The following CNTNAP2 variants were observed in gnomAD, a reference collection of about 807,000 sequenced individuals.
CNTNAP2 encodes contactin-associated protein-like 2.
In CNTNAP2, 98 loss-of-function variants were observed where a neutral mutation model predicts 155.2. The observed-to-expected ratio is 0.63, with a 90% CI of 0.54 to 0.75. The LOEUF is 0.75. Ranked by LOEUF, CNTNAP2 falls within the 30% of genes least tolerant of loss-of-function variation. The pLI is 0.00. For synonymous variants in CNTNAP2, 651 were observed against 631.2 expected (o/e 1.03, Z -0.47); for missense variants, 1,727 against 1,688.1 (o/e 1.02, Z -0.40).
chr7:146,575,019 A>G (rs916798120), intron 1 of CNTNAP2, among the ~76,000 whole-genome samples: 2 of 152,130 alleles, frequency 1.3e-5, no homozygotes, highest in African/African-American at 4.8e-5. Context: ...TCAGAGATTG[A>G]TAAGTTTTGA....
At chr7:147,916,897 A>G (rs1046682720) in intron 14 of CNTNAP2, among the ~76,000 whole-genome samples, 1 of 152,140 alleles carries the variant, frequency 6.6e-6, no homozygotes, top group African/African-American at 2.4e-5. Flanking sequence ...CCCCCTCTTG[A>G]TATTAATGAT....
At chr7:146,506,909 G>T (rs1797392893) in intron 1 of CNTNAP2, among the ~76,000 whole-genome samples, 1 of 152,160 alleles carries the variant, frequency 6.6e-6, no homozygotes, top group Admixed American at 6.5e-5. Flanking sequence ...AGGAATGGGA[G>T]GTGCCTCTCT....
intron 15 of CNTNAP2, among the ~76,000 whole-genome samples, chr7:147,981,013 C>T (rs893416091): frequency 5.9e-5 from 9 of 151,646 alleles, no homozygotes; most frequent in Non-Finnish European, 1.0e-4. Context: ...CTGCATTTTC[C>T]AGTTTTTATA....
chr7:147,478,271 C>T (rs945372610), intron 10 of CNTNAP2, among the ~76,000 whole-genome samples: 5 of 151,780 alleles, frequency 3.3e-5, no homozygotes, highest in Non-Finnish European at 7.4e-5. Flanking sequence ...TCCTGCCTCA[C>T]CCTCCCAAGT....
intron 1 of CNTNAP2, among the ~76,000 whole-genome samples, chr7:146,512,418 T>A (rs923138998): frequency 4.6e-5 from 7 of 151,908 alleles, no homozygotes; most frequent in Admixed American, 2.6e-4. Context: ...TTTATGTAGA[T>A]GTTCATTGCT....
intron 9 of CNTNAP2, among the ~76,000 whole-genome samples, chr7:147,380,169 T>C (rs1248571348): frequency 2.0e-5 from 3 of 152,068 alleles, no homozygotes; most frequent in African/African-American, 7.2e-5. Flanking sequence ...ATTTATGTTA[T>C]AAACTTTTGG....
At chr7:146,761,318 G>T (rs1476884156) in intron 1 of CNTNAP2, among the ~76,000 whole-genome samples, 1 of 140,536 alleles carries the variant, frequency 7.1e-6, no homozygotes, top group East Asian at 1.9e-4. Flanking sequence ...AGGAAGGAAG[G>T]AAGGAAGGAA....
At chr7:148,410,684 CA>C (rs1257222270) in intron 23 of CNTNAP2, among the ~76,000 whole-genome samples, 6 of 150,368 alleles carry the variant, frequency 4.0e-5, no homozygotes, top group African/African-American at 1.5e-4. Flanking sequence ...AAGCTAGGCA[CA>C]AAAAGACAAA....
intron 1 of CNTNAP2, among the ~76,000 whole-genome samples, chr7:146,716,162 T>A (rs991539299): frequency 6.7e-6 from 1 of 150,308 alleles, no homozygotes; most frequent in African/African-American, 2.5e-5. Context: ...TTGGGTAGAT[T>A]CCCTGACCTG....
intron 11 of CNTNAP2, among the ~76,000 whole-genome samples, chr7:147,495,226 G>A (rs567335609): frequency 5.9e-5 from 9 of 152,226 alleles, no homozygotes; most frequent in South Asian, 2.1e-4. Context: ...AAGCAGGAAC[G>A]GAACTCTGAG....
intron 15 of CNTNAP2, among the ~76,000 whole-genome samples, chr7:147,992,575 T>C (rs1213654541): frequency 6.6e-6 from 1 of 152,206 alleles, no homozygotes; most frequent in Non-Finnish European, 1.5e-5. Context: ...CTGTGTCCCA[T>C]CCATAGTTTC....
At chr7:147,507,064 C>T (rs1430162479) in intron 11 of CNTNAP2, among the ~76,000 whole-genome samples, 3 of 152,128 alleles carry the variant, frequency 2.0e-5, no homozygotes, top group Non-Finnish European at 2.9e-5. Context: ...CATGATCAGA[C>T]CTATTGTAGA....
At chr7:148,286,339 C>T (rs940313435) in intron 21 of CNTNAP2, among the ~76,000 whole-genome samples, 22 of 152,182 alleles carry the variant, frequency 1.4e-4, no homozygotes, top group Middle Eastern at 3.2e-3. Context: ...GTGCTCTCAT[C>T]GGCTTTTAAC....
chr7:147,421,080 G>A (rs1283473867), intron 10 of CNTNAP2, among the ~76,000 whole-genome samples: 1 of 152,182 alleles, frequency 6.6e-6, no homozygotes, highest in Non-Finnish European at 1.5e-5. Context: ...TATTCAAAGA[G>A]TTTGGGTTTG....
chr7:147,796,595 C>T (rs990457545), intron 13 of CNTNAP2, among the ~76,000 whole-genome samples: 1 of 148,690 alleles, frequency 6.7e-6, no homozygotes, highest in Non-Finnish European at 1.5e-5. Flanking sequence ...AAAAAAAAAA[C>T]ATAAAACATG....
intron 1 of CNTNAP2, among the ~76,000 whole-genome samples, chr7:146,315,965 A>C (rs1800898576): frequency 1.3e-5 from 2 of 152,190 alleles, no homozygotes; most frequent in South Asian, 4.1e-4. Flanking sequence ...AAAGTCTCTA[A>C]ATTAAGACAT....
chr7:146,442,172 A>G (rs906972758), intron 1 of CNTNAP2, among the ~76,000 whole-genome samples: 3 of 151,688 alleles, frequency 2.0e-5, no homozygotes, highest in Non-Finnish European at 4.4e-5. Context: ...AAATATCTAT[A>G]TATAAAACTG....
intron 11 of CNTNAP2, among the ~76,000 whole-genome samples, chr7:147,540,127 T>C (rs1262885370): frequency 6.6e-6 from 1 of 152,224 alleles, no homozygotes; most frequent in Non-Finnish European, 1.5e-5. Flanking sequence ...TTAATCAAAG[T>C]CCTTCAGTTA....
At chr7:147,162,502 G>A (rs891241923) in intron 8 of CNTNAP2, among the ~76,000 whole-genome samples, 2 of 152,150 alleles carry the variant, frequency 1.3e-5, no homozygotes, top group African/African-American at 2.4e-5. Context: ...TATTAACTTA[G>A]AAATTGAAAA....
Sources: allele counts gnomAD v4.1 joint callset (sites outside exome capture counted in the v4.1 genomes callset), GRCh38; gene constraint gnomAD v4.1.1; transcripts MANE v1.5; gene names NCBI Gene and HGNC (gene_info 2026-07-23, HGNC 2026-07-21).